RSU1: variants seen among roughly 807,000 people sequenced by gnomAD.
RSU1 encodes the protein Ras suppressor protein 1, also known as rsu-1.
Under a neutral mutation model 31.1 loss-of-function variants are expected in RSU1, and 26 were observed. The ratio of observed to expected loss-of-function variants is 0.84; its 90% confidence interval spans 0.61 to 1.16. The LOEUF (loss-of-function observed/expected upper bound fraction) is 1.16, where lower values mean the gene tolerates loss of function less well. RSU1 is among the 50% of genes most tolerant of loss of function. The pLI is 0.00. For synonymous variants in RSU1, 164 were observed against 136.3 expected (o/e 1.20, Z -1.41); for missense variants, 320 against 339.1 (o/e 0.94, Z 0.44).
intron 8 of RSU1, among the ~76,000 whole-genome samples, chr10:16,654,169 A>G (rs1834732157): frequency 6.6e-6 from 1 of 151,506 alleles, no homozygotes; most frequent in African/African-American, 2.4e-5. Flanking sequence ...CGCCCAGCTA[A>G]TTTTTGTATT....
chr10:16,712,152 G>A (rs1274355793), intron 7 of RSU1, among the ~76,000 whole-genome samples: 1 of 151,936 alleles, frequency 6.6e-6, no homozygotes, highest in Non-Finnish European at 1.5e-5. Flanking sequence ...AGCTACTCCT[G>A]CTCACTTTTG....
Position 16,733,321 on chromosome 10 carries a change from T to C in RSU1, c.598+19218A>G, listed in dbSNP as rs552187314. Among the ~76,000 whole-genome samples the C allele has an allele frequency of 2.0e-3, 230 of 116,354 alleles. 1 individual carries two copies. The highest frequency in any genetic ancestry group is 7.5e-3 in the African/African-American group (219 of 29,058). The allele number at this position is 116,354 out of a possible 152,430, so 76.3% of individuals were successfully genotyped here. ...GTCTGGCCAACATGGTGAAACCCCA[T>C]CTCTACGACAATAAAAAAAAAAAAA... On this transcript the variant is annotated intron_variant, in intron 7 of 8. Coordinates refer to ENST00000345264, the MANE Select transcript of RSU1 (RefSeq NM_012425.4).
chr10:16,803,415 T>G (rs1031929533), intron 2 of RSU1, among the ~76,000 whole-genome samples: 8 of 152,302 alleles, frequency 5.3e-5, no homozygotes, highest in Admixed American at 2.0e-4. Context: ...AACACTGTTA[T>G]GATGTCAGTT....
intron 8 of RSU1, 65 bp from the exon 9 acceptor site, chr10:16,593,561 A>T (rs1833551640): frequency 8.0e-7 from 1 of 1,243,784 alleles, no homozygotes; most frequent in African/African-American, 1.5e-5. Flanking sequence ...TTTCACTGGA[A>T]GAGCTTTCAG....
chr10:16,615,027 T>C (rs1397292505), intron 8 of RSU1, among the ~76,000 whole-genome samples: 1 of 152,168 alleles, frequency 6.6e-6, no homozygotes, highest in Non-Finnish European at 1.5e-5. Flanking sequence ...AATTCACACA[T>C]AACAATATTA....
intron 8 of RSU1, among the ~76,000 whole-genome samples, chr10:16,612,517 G>C (rs149276039): frequency 4.6e-5 from 7 of 152,342 alleles, no homozygotes; most frequent in Non-Finnish European, 1.0e-4. Flanking sequence ...TATATCTTCA[G>C]TCCTCTGCAG....
intron 8 of RSU1, among the ~76,000 whole-genome samples, chr10:16,660,980 C>T (rs1465462219): frequency 6.6e-6 from 1 of 152,020 alleles, no homozygotes; most frequent in Non-Finnish European, 1.5e-5. Flanking sequence ...GTGTAATACC[C>T]TTTTAACCTA....
chr10:16,814,520 A>G (rs1838486145), intron 2 of RSU1, among the ~76,000 whole-genome samples: 1 of 152,102 alleles, frequency 6.6e-6, no homozygotes, highest in African/African-American at 2.4e-5. Context: ...AAGTATTTTA[A>G]TACTTGTATA....
At chr10:16,641,947 G>T (rs1240700145) in intron 8 of RSU1, among the ~76,000 whole-genome samples, 1 of 152,208 alleles carries the variant, frequency 6.6e-6, no homozygotes, top group African/African-American at 2.4e-5. Context: ...CAAGCTGGCT[G>T]CTCCAAGTGT....
intron 8 of RSU1, among the ~76,000 whole-genome samples, chr10:16,662,961 T>C (rs983390529): frequency 6.8e-6 from 1 of 145,990 alleles, no homozygotes; most frequent in Non-Finnish European, 1.5e-5. Flanking sequence ...CGGGGGCATC[T>C]CTCAGCAATC....
At position 16,782,181 on chromosome 10, in the gene RSU1, T is replaced by G; in HGVS notation, c.110-97A>C. Reference sequence around the variant, plus strand: ...TACAAAGCAAACGGCAAAGTTATTTTCACAGGTTGAAGCACTATCGCTCAC... The same window carrying G: ...TACAAAGCAAACGGCAAAGTTATTTGCACAGGTTGAAGCACTATCGCTCAC... On this transcript the variant is annotated intron_variant, in intron 2 of 8. Transcript: ENST00000345264. 5.3e-6 allele frequency: 5 copies of G among 941,898 alleles called. No homozygotes were observed. In the South Asian group the frequency reaches 5.9e-5, roughly 11 times the overall value. The allele number at this position is 941,898 out of a possible 1,614,324, so 58.3% of individuals were successfully genotyped here.
At chr10:16,693,761 C>A (rs1232350448) in intron 8 of RSU1, among the ~76,000 whole-genome samples, 1 of 152,046 alleles carries the variant, frequency 6.6e-6, no homozygotes, top group Non-Finnish European at 1.5e-5. Flanking sequence ...ACTTGGAAGG[C>A]TGAAATGGAA....
intron 7 of RSU1, among the ~76,000 whole-genome samples, chr10:16,747,037 C>G (rs1836870972): frequency 6.6e-6 from 1 of 152,136 alleles, no homozygotes; most frequent in South Asian, 2.1e-4. Flanking sequence ...AAGAGAACCC[C>G]TTTTTCCTAT....
chr10:16,671,784 C>G (rs1242543972), intron 8 of RSU1, among the ~76,000 whole-genome samples: 2 of 151,656 alleles, frequency 1.3e-5, no homozygotes, highest in South Asian at 2.1e-4. Context: ...TACCACCATG[C>G]CCAGCTAATT....
chr10:16,687,711 T>A (rs1224418954), intron 8 of RSU1, among the ~76,000 whole-genome samples: 1 of 151,506 alleles, frequency 6.6e-6, no homozygotes, highest in Non-Finnish European at 1.5e-5. Context: ...AAACAAAAAA[T>A]CAAATTATTA....
intron 2 of RSU1, among the ~76,000 whole-genome samples, chr10:16,816,057 G>A (rs1466367719): frequency 6.6e-6 from 1 of 152,176 alleles, no homozygotes; most frequent in East Asian, 1.9e-4. Context: ...GGAGAAGTGC[G>A]GAGAGGGTTT....
In RSU1 at chr10:16,786,721, C is replaced by T. The variant is rs545876610; in HGVS notation, c.110-4637G>A. ...GGGCTCATTCTAGTTTTCTCCCTTC[C>T]CGTATTTGTAATTCTCTCCTCTAAC... On this transcript the variant is annotated intron_variant, in intron 2 of 8. Transcript: ENST00000345264. Among the ~76,000 whole-genome samples, 9 of 152,256 alleles carry T rather than the reference C, an allele frequency of 5.9e-5. No homozygotes were observed. In the East Asian group the frequency reaches 1.7e-3, roughly 29 times the overall value.
intron 8 of RSU1, among the ~76,000 whole-genome samples, chr10:16,658,461 T>G (rs1834829380): frequency 6.6e-6 from 1 of 152,102 alleles, no homozygotes; most frequent in Admixed American, 6.6e-5. Flanking sequence ...CAGGGGCTCA[T>G]GCCTGTAATC....
chr10:16,627,520 G>A (rs1303396485), intron 8 of RSU1, among the ~76,000 whole-genome samples: 3 of 152,024 alleles, frequency 2.0e-5, no homozygotes, highest in African/African-American at 4.8e-5. Context: ...TTGGGAGACC[G>A]AGGCAGGTGG....
Sources: allele counts gnomAD v4.1 joint callset (sites outside exome capture counted in the v4.1 genomes callset), GRCh38; gene constraint gnomAD v4.1.1; transcripts MANE v1.5; gene names NCBI Gene and HGNC (gene_info 2026-07-23, HGNC 2026-07-21).